FAM171B: variants seen among roughly 807,000 people sequenced by gnomAD.
FAM171B encodes protein FAM171B.
Under a neutral mutation model 75.6 loss-of-function variants are expected in FAM171B, and 19 were observed. The observed-to-expected ratio is 0.25, with a 90% confidence interval of 0.18 to 0.37. The LOEUF (loss-of-function observed/expected upper bound fraction) is 0.37. FAM171B is among the 10% of genes least tolerant of loss of function. The pLI is 1.00. For missense variants in FAM171B, 848 were observed against 982.4 expected (o/e 0.86, Z 1.83); for synonymous variants, 367 against 361.7 (o/e 1.01, Z -0.17).
chr2:186,711,485 C>T (rs1689808446), intron 1 of FAM171B, among the ~76,000 whole-genome samples: 1 of 152,074 alleles, frequency 6.6e-6, no homozygotes, highest in Admixed American at 6.6e-5. Flanking sequence ...TGCCACAGTC[C>T]CCACCCTGAG....
At chr2:186,709,343 C>T (rs2682867) in intron 1 of FAM171B, among the ~76,000 whole-genome samples, 67,111 of 151,478 alleles carry the variant, frequency 0.44, 15,149 homozygotes, top group East Asian at 0.73. Context: ...TAGGGCTTAT[C>T]ATTCCCTATT....
At chr2:186,760,810 C>T (rs1005598065) in intron 6 of FAM171B, among the ~76,000 whole-genome samples, 18 of 151,984 alleles carry the variant, frequency 1.2e-4, no homozygotes, top group Non-Finnish European at 2.4e-4. Flanking sequence ...TTCTAGACCC[C>T]AGGTTGAAGG....
intron 1 of FAM171B, among the ~76,000 whole-genome samples, chr2:186,710,530 T>C (rs1689795887): frequency 6.6e-6 from 1 of 152,132 alleles, no homozygotes; most frequent in East Asian, 1.9e-4. Flanking sequence ...TGACAGTGTT[T>C]TTAGTATCTG....
chr2:186,725,324 A>G (rs1266451949), intron 1 of FAM171B, among the ~76,000 whole-genome samples: 1 of 149,384 alleles, frequency 6.7e-6, no homozygotes, highest in Non-Finnish European at 1.5e-5. Flanking sequence ...AACCTGGGCG[A>G]CAGAGCGAGA....
Position 186,700,531 on chromosome 2 carries a change from A to G in FAM171B, c.238+6120A>G, listed in dbSNP as rs115278995. 3.0e-3 allele frequency among the ~76,000 whole-genome samples: 451 copies of G among 152,336 alleles called. 2 individuals are homozygous for G. Among genetic ancestry groups the G allele is most frequent in the African/African-American group, 0.01 (434 of 41,578 alleles). ...GTGTGTCCAGCTTCTTCAGCTTAGT[A>G]TAATTTCCACAGATTTTATTCATTT... On this transcript the variant is annotated intron_variant, in intron 1 of 7. Transcript: ENST00000304698.
At chr2:186,737,839 G>A (rs2105784942) in intron 1 of FAM171B, among the ~76,000 whole-genome samples, 1 of 152,330 alleles carries the variant, frequency 6.6e-6, no homozygotes, top group South Asian at 2.1e-4. Flanking sequence ...TATGTAACTT[G>A]AAAGTGTTAC....
At chr2:186,743,336 T>G in intron 2 of FAM171B, 147 bp from the exon 3 acceptor site, 1 of 583,164 alleles carries the variant, frequency 1.7e-6, no homozygotes. Flanking sequence ...ACATTCATTC[T>G]TCCTTTGTTT....
chr2:186,750,257 C>T (rs899479630), intron 4 of FAM171B, among the ~76,000 whole-genome samples: 5 of 152,102 alleles, frequency 3.3e-5, no homozygotes, highest in African/African-American at 1.2e-4. Flanking sequence ...TTTGGCATTG[C>T]TAATATTTCA....
chr2:186,736,538 C>CTGTGTGTGTGTG (rs10660120), intron 1 of FAM171B, among the ~76,000 whole-genome samples: 61 of 122,932 alleles, frequency 5.0e-4, no homozygotes, highest in African/African-American at 8.2e-4. Flanking sequence ...ATGTTTGTGG[C>CTGTGTGTGTGTG]TGTGTGTGTG....
intron 5 of FAM171B, among the ~76,000 whole-genome samples, chr2:186,752,831 A>G (rs900208071): frequency 5.3e-5 from 8 of 152,230 alleles, no homozygotes; most frequent in Non-Finnish European, 1.0e-4. Flanking sequence ...CATAATACAA[A>G]TATACACCAA....
At chr2:186,740,124 AAC>A (rs1690265902) in intron 1 of FAM171B, 102 bp from the exon 2 acceptor site, 1 of 741,666 alleles carries the variant, frequency 1.3e-6, no homozygotes, top group African/African-American at 1.8e-5. Context: ...TAAGTTTAAC[AAC>A]AGTTTTGTAC....
intron 6 of FAM171B, among the ~76,000 whole-genome samples, chr2:186,755,913 C>T (rs984312962): frequency 1.3e-5 from 2 of 152,154 alleles, no homozygotes; most frequent in Admixed American, 1.3e-4. Context: ...TGCAAAATAT[C>T]ATACAATCTT....
At chr2:186,715,502 T>G (rs1689863336) in intron 1 of FAM171B, among the ~76,000 whole-genome samples, 1 of 152,136 alleles carries the variant, frequency 6.6e-6, no homozygotes, top group African/African-American at 2.4e-5. Flanking sequence ...CACACCTAGC[T>G]GGGACTAATT....
chr2:186,700,318 A>G (rs1689638775), intron 1 of FAM171B, among the ~76,000 whole-genome samples: 2 of 152,026 alleles, frequency 1.3e-5, no homozygotes, highest in Admixed American at 1.3e-4. Context: ...CACTCTTGAC[A>G]AAAAGATATA....
At chr2:186,702,767 G>A (rs1350547970) in intron 1 of FAM171B, among the ~76,000 whole-genome samples, 1 of 152,018 alleles carries the variant, frequency 6.6e-6, no homozygotes, top group African/African-American at 2.4e-5. Context: ...ACTGTAACAT[G>A]CCTCAGTAAT....
chr2:186,700,292 T>C (rs1689638617), intron 1 of FAM171B, among the ~76,000 whole-genome samples: 1 of 152,036 alleles, frequency 6.6e-6, no homozygotes, highest in African/African-American at 2.4e-5. Flanking sequence ...ATGTGAAATG[T>C]ACATATTTTA....
At chr2:186,719,924 T>C (rs1164307121) in intron 1 of FAM171B, among the ~76,000 whole-genome samples, 2 of 152,158 alleles carry the variant, frequency 1.3e-5, no homozygotes, top group Admixed American at 6.5e-5. Context: ...AATAAGAAAA[T>C]AGTTAATAAT....
rs1690483370 is a variant in FAM171B at position 186,753,283 on chromosome 2, G to GGATTA, written c.896-649_896-645dup. On this transcript the variant is annotated intron_variant, in intron 5 of 7. Transcript: ENST00000304698. ...CCTGCCTCAGCCTCCTGAGTATGTG[G>GGATTA]GATTACAGGCATGTGCTACCACGCC... is the stretch of plus-strand genomic sequence containing the variant. 1.3e-5 allele frequency among the ~76,000 whole-genome samples: 2 copies of GGATTA among 151,994 alleles called. 1 individual carries two copies. The highest frequency in any genetic ancestry group is 4.2e-4 in the South Asian group (2 of 4,806).
Position 186,751,230 on chromosome 2 carries a change from C to T in FAM171B, c.821C>T (p.Ser274Phe). The T allele has an allele frequency of 6.2e-7, 1 of 1,611,640 alleles. No individual in the cohort carries two copies. The highest frequency in any genetic ancestry group is 8.5e-7 in the Non-Finnish European group (1 of 1,178,366). The change falls in exon 5 of 8, where the codon TCT becomes TTT. Residue 274 changes from serine (S) to phenylalanine (F), a missense_variant. Around this residue, in one of 3 missense-constraint regions of FAM171B, gnomAD observed 665 missense variants for 729.0 expected, o/e 0.91. Transcript: ENST00000304698. ...ELKVNGSIQV[S>F]LPLLRLNDIS... ...AAGGTCAATGGCTCTATTCAAGTTT[C>T]TCTTCCTCTTCTACGTCTGAATGAT...
Sources: gnomAD v4.1 joint callset for allele counts (sites outside exome capture counted in the v4.1 genomes callset) on GRCh38, gnomAD v4.1.1 for gene constraint, gnomAD v4.1.1 regional missense constraint, MANE v1.5 for transcripts, NCBI Gene and HGNC (gene_info 2026-07-23, HGNC 2026-07-21) for gene names.